Variants in HECW1 observed in about 807,000 individuals in gnomAD.
The protein encoded by HECW1 is HECT, C2 and WW domain containing E3 ubiquitin protein ligase 1, also known as E3 ubiquitin-protein ligase HECW1.
Under a neutral mutation model 182.3 loss-of-function variants are expected in HECW1, and 61 were observed. The observed-to-expected ratio is 0.33, with a 90% CI of 0.27 to 0.41. The LOEUF is 0.41. HECW1 is among the 10% of genes least tolerant of loss of function. The pLI, the probability that HECW1 is intolerant of heterozygous loss-of-function variation, is 1.00. For missense variants in HECW1, 1,739 were observed against 2,108.9 expected, an observed-to-expected ratio of 0.82 and a Z score of 3.44; for synonymous variants, 859 against 832.6, an observed-to-expected ratio of 1.03 and a Z score of -0.55.
At chr7:43,545,594 A>G (rs1031182539) in intron 26 of HECW1, among the ~76,000 whole-genome samples, 1 of 152,254 alleles carries the variant, frequency 6.6e-6, no homozygotes, top group Non-Finnish European at 1.5e-5. Context: ...AGTCTTATTA[A>G]TAACAAAAAT....
Position 43,479,847 on chromosome 7 carries a change from C to A in HECW1, c.3234+103C>A, listed in dbSNP as rs2304326. On this transcript the variant is annotated intron_variant, in intron 17 of 29. Coordinates refer to ENST00000395891, the MANE Select transcript of HECW1 (RefSeq NM_015052.5). ...AGTGGCTAGGATCTAGGGTTGCCTG[C>A]GCTGGAAGAGATTAAGCCATATGCA... 40 of 1,397,278 alleles carry A rather than the reference C, an allele frequency of 2.9e-5. No homozygotes were observed. In the Admixed American group the frequency reaches 6.9e-4, roughly 24 times the overall value. 86.6% of individuals were successfully genotyped at this position (1,397,278 alleles called of 1,614,324 possible). A position where few individuals can be genotyped will look rare whatever the true frequency, so the allele number is the denominator to read the frequency against.
chr7:43,261,103 T>C (rs755540962), intron 3 of HECW1, among the ~76,000 whole-genome samples: 4 of 152,188 alleles, frequency 2.6e-5, no homozygotes, highest in Non-Finnish European at 4.4e-5. Flanking sequence ...TCTTGGGCTC[T>C]GCACTAGGTT....
intron 16 of HECW1, among the ~76,000 whole-genome samples, chr7:43,478,102 A>T (rs1475532094): frequency 6.6e-6 from 1 of 152,220 alleles, no homozygotes; most frequent in African/African-American, 2.4e-5. Context: ...TGGTACTCAG[A>T]CATGGCACAA....
intron 16 of HECW1, among the ~76,000 whole-genome samples, chr7:43,479,115 G>A (rs2078325212): frequency 6.6e-6 from 1 of 152,086 alleles, no homozygotes; most frequent in Non-Finnish European, 1.5e-5. Context: ...CATTTATTAT[G>A]CACTTTATTT....
intron 24 of HECW1, among the ~76,000 whole-genome samples, chr7:43,512,596 TA>T (rs1480332312): frequency 6.6e-6 from 1 of 152,236 alleles, no homozygotes; most frequent in Non-Finnish European, 1.5e-5. Context: ...TAGATGAATT[TA>T]AAAGTCAGTT....
At chr7:43,168,511 T>C (rs1180449934) in intron 2 of HECW1, among the ~76,000 whole-genome samples, 1 of 151,930 alleles carries the variant, frequency 6.6e-6, no homozygotes, top group African/African-American at 2.4e-5. Flanking sequence ...TTTTTTTAAA[T>C]TAGCCAGGCA....
chr7:43,224,822 A>G (rs925042174), intron 2 of HECW1, among the ~76,000 whole-genome samples: 29 of 152,176 alleles, frequency 1.9e-4, no homozygotes, highest in African/African-American at 6.5e-4. Context: ...AAAACCAAAC[A>G]AAGAAAGAAA....
chr7:43,356,787 A>G (rs1440739887), intron 5 of HECW1, among the ~76,000 whole-genome samples: 1 of 152,190 alleles, frequency 6.6e-6, no homozygotes, highest in Non-Finnish European at 1.5e-5. Context: ...ATGCTCCTGA[A>G]CAACTAATGG....
intron 5 of HECW1, among the ~76,000 whole-genome samples, chr7:43,336,148 C>CTCTCTCTG: frequency 2.1e-5 from 1 of 48,704 alleles, no homozygotes; most frequent in South Asian, 8.2e-4. Context: ...CTCTCTTTCT[C>CTCTCTCTG]TCTCTCTCTC....
At chr7:43,332,551 A>G (rs943616763) in intron 5 of HECW1, among the ~76,000 whole-genome samples, 2 of 152,222 alleles carry the variant, frequency 1.3e-5, no homozygotes, top group African/African-American at 4.8e-5. Context: ...ACCTGCAGCC[A>G]GGTGGGTGAG....
At chr7:43,122,614 C>T (rs1785751334) in intron 2 of HECW1, among the ~76,000 whole-genome samples, 1 of 152,128 alleles carries the variant, frequency 6.6e-6, no homozygotes, top group Non-Finnish European at 1.5e-5. Flanking sequence ...ATTTATCTTT[C>T]TTAGAAACAT....
intron 3 of HECW1, among the ~76,000 whole-genome samples, chr7:43,280,400 C>CA (rs1463372244): frequency 6.6e-6 from 1 of 151,958 alleles, no homozygotes; most frequent in Non-Finnish European, 1.5e-5. Context: ...CAATCCACTC[C>CA]AAAAAAGGGC....
In HECW1 at chr7:43,444,876, C is replaced by T. The variant is rs547455724; in HGVS notation, c.1704C>T (p.His568=). 6 of 1,609,314 alleles carry T rather than the reference C, an allele frequency of 3.7e-6. No homozygotes were observed. The East Asian group carries it at 1.3e-4, about 36-fold the overall frequency. Residue 568 remains histidine (H), a synonymous_variant, in exon 11 of 30, where the codon CAC becomes CAT. Coordinates refer to ENST00000395891, the MANE Select transcript of HECW1 (RefSeq NM_015052.5). This position sits in a 1 kb window ranked among gnomAD's most constrained non-coding sequence, Gnocchi z 4.3. ...THYIRIHTLL[H]SMPSAQGGSA... The stretch of plus-strand genomic sequence containing the variant: ...ACATCCGCATCCACACCCTGCTGCA[C>T]AGCATGCCCTCCGCCCAGGGCGGCA...
intron 6 of HECW1, among the ~76,000 whole-genome samples, chr7:43,370,263 AAT>A (rs1344262789): frequency 1.3e-5 from 2 of 152,234 alleles, no homozygotes; most frequent in Non-Finnish European, 2.9e-5. Context: ...GATGCCCAAC[AAT>A]ATATGTCATT....
chr7:43,186,393 C>T (rs578147764), intron 2 of HECW1, among the ~76,000 whole-genome samples: 7 of 152,228 alleles, frequency 4.6e-5, no homozygotes, highest in South Asian at 2.1e-4. Flanking sequence ...CATGGCTGGG[C>T]GCAGTGGCTC....
intron 12 of HECW1, among the ~76,000 whole-genome samples, chr7:43,453,977 T>A (rs574156009): frequency 6.6e-6 from 1 of 152,362 alleles, no homozygotes; most frequent in African/African-American, 2.4e-5. Context: ...ATTTTCTGAA[T>A]ACATATGAGT....
rs530692683 is a variant in HECW1 at position 43,276,673 on chromosome 7, C to A, written c.27+32741C>A. Among the ~76,000 whole-genome samples, 55 of 152,298 alleles carry A rather than the reference C, an allele frequency of 3.6e-4. No individual in the cohort carries two copies. The South Asian group carries it at 0.011, about 31-fold the overall frequency. ...TTTAAATGCTTTAGGCCAATGCAGTCTTCCCTGTCCACTGGCACACTCCAG... is the reference window on the plus strand; with the variant it reads ...TTTAAATGCTTTAGGCCAATGCAGTATTCCCTGTCCACTGGCACACTCCAG... On this transcript the variant is annotated intron_variant, in intron 3 of 29. Transcript: ENST00000395891.
intron 26 of HECW1, among the ~76,000 whole-genome samples, chr7:43,548,370 C>T (rs1002166764): frequency 6.6e-6 from 1 of 151,942 alleles, no homozygotes; most frequent in African/African-American, 2.4e-5. Flanking sequence ...AATCCATGTA[C>T]GAGTGGACCC....
intron 29 of HECW1, among the ~76,000 whole-genome samples, chr7:43,558,584 G>C (rs181459944): frequency 5.9e-5 from 9 of 152,132 alleles, no homozygotes; most frequent in Non-Finnish European, 8.8e-5. Context: ...TTGAGTAGAA[G>C]CCAAGGATGC....
Sources: allele counts gnomAD v4.1 joint callset (sites outside exome capture counted in the v4.1 genomes callset), GRCh38; gene constraint gnomAD v4.1.1; non-coding constraint Gnocchi (gnomAD v3.1); transcripts MANE v1.5; gene names NCBI Gene and HGNC (gene_info 2026-07-23, HGNC 2026-07-21).